The following GOLGA4 variants were observed in gnomAD, a reference collection of about 807,000 sequenced individuals.
GOLGA4 encodes golgin A4.
A neutral mutation model predicts 265.9 loss-of-function variants in GOLGA4; 169 were observed. The ratio of observed to expected loss-of-function variants is 0.64; its 90% confidence interval spans 0.56 to 0.72. GOLGA4 has a LOEUF of 0.72. Ranked by LOEUF, GOLGA4 falls within the 30% of genes least tolerant of loss-of-function variation. The pLI, the probability that GOLGA4 is intolerant of heterozygous loss-of-function variation, is 0.00. For synonymous variants in GOLGA4, 923 were observed against 855.8 expected, an observed-to-expected ratio of 1.08 and a Z score of -1.37; for missense variants, 2,482 against 2,483.4, an observed-to-expected ratio of 1.00 and a Z score of 0.01.
rs1004380452 is a variant in GOLGA4, at chr3:37,350,135, C to T, written c.6576+2839C>T. On this transcript the variant is annotated intron_variant, in intron 21 of 23. Transcript: ENST00000361924. ...GAGATCACTTGTAAATCAGGTGGCT[C>T]ATTTGAACTTTTCCTTACTTCCCAG... Among the ~76,000 whole-genome samples the T allele has an allele frequency of 2.6e-5, 4 of 152,132 alleles. No individual in the cohort carries two copies. The South Asian group carries it at 8.3e-4, about 32-fold the overall frequency.
At chr3:37,354,626 G>A (rs1317460031) in intron 21 of GOLGA4, among the ~76,000 whole-genome samples, 1 of 152,038 alleles carries the variant, frequency 6.6e-6, no homozygotes. Context: ...TGTGCTGCAT[G>A]TCTTGAAAAA....
At chr3:37,260,665 C>T (rs1168124491) in intron 2 of GOLGA4, among the ~76,000 whole-genome samples, 1 of 151,724 alleles carries the variant, frequency 6.6e-6, no homozygotes. Flanking sequence ...ACAGGGCCAT[C>T]TGTCTTTGAG....
intron 21 of GOLGA4, among the ~76,000 whole-genome samples, chr3:37,349,206 A>T (rs549277021): frequency 3.9e-5 from 6 of 152,302 alleles, no homozygotes; most frequent in African/African-American, 1.4e-4. Flanking sequence ...TCACCATGGT[A>T]GATAGCAAGA....
At chr3:37,300,158 G>A (rs1454513873) in intron 9 of GOLGA4, among the ~76,000 whole-genome samples, 6 of 151,456 alleles carry the variant, frequency 4.0e-5, no homozygotes, top group Non-Finnish European at 1.5e-5. Flanking sequence ...GATTGAGGAA[G>A]GAATGAGTCT....
intron 12 of GOLGA4, chr3:37,319,406 T>A (rs1578673117): frequency 3.2e-6 from 1 of 311,114 alleles, no homozygotes; most frequent in East Asian, 6.0e-5. Flanking sequence ...CACTTTCTTT[T>A]TTTTATGAGA....
intron 1 of GOLGA4, chr3:37,250,053 A>C (rs529755472): frequency 6.6e-5 from 10 of 152,366 alleles, no homozygotes; most frequent in African/African-American, 1.9e-4. Context: ...TCAGATAAAA[A>C]GAAGATTGGG....
rs1188079049 is a variant in GOLGA4 at position 37,325,245 on chromosome 3, C to G, written c.3359C>G (p.Ala1120Gly). 6.2e-7 allele frequency: 1 copy of G among 1,612,350 alleles called. No homozygotes were observed. Among genetic ancestry groups the G allele is most frequent in the African/African-American group, 1.3e-5 (1 of 74,866 alleles). The change falls in exon 14 of 24, where the codon GCC becomes GGC. Residue 1120 changes from alanine (A) to glycine (G), a missense_variant. Coordinates refer to ENST00000361924, the MANE Select transcript of GOLGA4 (RefSeq NM_002078.5). ...ELQEQLKQKS[A>G]HVNSLAQDET... ...CAGGAACAGTTAAAGCAGAAGTCTG[C>G]CCATGTGAATTCTCTTGCACAAGAT... is the stretch of plus-strand genomic sequence containing the variant.
At chr3:37,275,864 A>G in intron 2 of GOLGA4, 2 of 1,613,834 alleles carry the variant, frequency 1.2e-6, no homozygotes, top group South Asian at 2.2e-5. Flanking sequence ...CAAGCAGAGT[A>G]CAGATGAGGA....
intron 20 of GOLGA4, 103 bp from the exon 21 acceptor site, chr3:37,347,090 C>T: frequency 1.5e-6 from 1 of 652,814 alleles, no homozygotes; most frequent in South Asian, 1.9e-5. Context: ...TAAAAGCATG[C>T]CTCTCTTTGT....
At chr3:37,283,146 T>C (rs1262800227) in intron 3 of GOLGA4, among the ~76,000 whole-genome samples, 1 of 152,148 alleles carries the variant, frequency 6.6e-6, no homozygotes, top group Non-Finnish European at 1.5e-5. Flanking sequence ...ACAATATGAG[T>C]AATTTTATCC....
chr3:37,301,014 A>G lies in GOLGA4; in HGVS notation c.1087-1171A>G, dbSNP rs1164455241. 2.0e-5 allele frequency among the ~76,000 whole-genome samples: 3 copies of G among 152,188 alleles called. No individual in the cohort carries two copies. The East Asian group carries it at 5.8e-4, about 29-fold the overall frequency. ...CCATGATTTTGTTTTGAGATTTCAT[A>G]TAGCAGTGCCTCACTTACGTGGTTG... On this transcript the variant is annotated intron_variant, in intron 9 of 23. Coordinates refer to ENST00000361924, the MANE Select transcript of GOLGA4 (RefSeq NM_002078.5).
At chr3:37,269,287 G>A (rs935836931) in intron 2 of GOLGA4, among the ~76,000 whole-genome samples, 2 of 152,156 alleles carry the variant, frequency 1.3e-5, no homozygotes. Context: ...GATTTAATAA[G>A]CATTTATTGA....
intron 1 of GOLGA4, among the ~76,000 whole-genome samples, chr3:37,245,602 CAA>C (rs1307339267): frequency 3.3e-5 from 5 of 152,094 alleles, no homozygotes; most frequent in African/African-American, 7.2e-5. Context: ...TGTTCATTAA[CAA>C]AGAGGTTTTT....
chr3:37,326,892 G>A lies in GOLGA4; in HGVS notation c.5006G>A (p.Gly1669Asp). 3 of 1,613,702 alleles carry A rather than the reference G, an allele frequency of 1.9e-6. No individual in the cohort carries two copies. The South Asian group carries it at 3.3e-5, about 18-fold the overall frequency. Residue 1669 changes from glycine to aspartate, a missense_variant, in exon 14 of 24, where the codon GGT becomes GAT. By Grantham distance (94) the Gly-to-Asp change is moderately conservative. Around this residue, in one of 3 missense-constraint regions of GOLGA4, gnomAD observed 942 missense variants for 983.1 expected, o/e 0.96. Transcript: ENST00000361924. ...GAGAAAGAAGAACAGTATAAAAAAG[G>A]TACAGAAAGCCATTTGAGTGAGCTA... Reference protein sequence around the residue: ...MEEKEEQYKKGTESHLSELNT... With the variant: ...MEEKEEQYKKDTESHLSELNT...
intron 9 of GOLGA4, among the ~76,000 whole-genome samples, chr3:37,301,736 T>G (rs1478715254): frequency 6.6e-6 from 1 of 152,206 alleles, no homozygotes; most frequent in African/African-American, 2.4e-5. Flanking sequence ...ATAATTGTTA[T>G]GCTGTACTTA....
chr3:37,313,326 A>G (rs902839713), intron 10 of GOLGA4: 14 of 152,240 alleles, frequency 9.2e-5, no homozygotes, highest in African/African-American at 3.4e-4. Context: ...CTTTAATAAA[A>G]TGCTTTAGAA....
chr3:37,253,761 G>T (rs1033434944), intron 2 of GOLGA4, among the ~76,000 whole-genome samples: 2 of 151,866 alleles, frequency 1.3e-5, no homozygotes, highest in African/African-American at 4.8e-5. Context: ...GGTGGCTCAC[G>T]CCTGTAATCC....
At chr3:37,338,870 T>G (rs2097023361) in intron 19 of GOLGA4, among the ~76,000 whole-genome samples, 1 of 150,714 alleles carries the variant, frequency 6.6e-6, no homozygotes, top group Non-Finnish European at 1.5e-5. Context: ...GCTTTTTTTT[T>G]TTTTTTTTTG....
At chr3:37,270,976 C>G (rs952703451) in intron 2 of GOLGA4, among the ~76,000 whole-genome samples, 9 of 151,884 alleles carry the variant, frequency 5.9e-5, no homozygotes, top group African/African-American at 2.2e-4. Context: ...GAGACAGTGA[C>G]AGATCATCAG....
Sources: gnomAD v4.1 joint callset for allele counts (sites outside exome capture counted in the v4.1 genomes callset) on GRCh38, gnomAD v4.1.1 for gene constraint, gnomAD v4.1.1 regional missense constraint, MANE v1.5 for transcripts, NCBI Gene and HGNC (gene_info 2026-07-23, HGNC 2026-07-21) for gene names.